The following ZNF618 variants were observed in gnomAD, a reference collection of about 807,000 sequenced individuals.
ZNF618 encodes the protein zinc finger protein 618, also known as neural precursor cell expressed, developmentally down-regulated 10.
ZNF618 carries 34 observed loss-of-function variants against 103.0 expected under a neutral mutation model. The observed-to-expected ratio is 0.33, with a 90% CI of 0.25 to 0.44. The LOEUF (loss-of-function observed/expected upper bound fraction) is 0.44, where lower values mean the gene tolerates loss of function less well. Among genes scored for constraint, ZNF618 ranks in the 20% least tolerant of loss-of-function variants. ZNF618 has a pLI of 1.00. For synonymous variants in ZNF618, 551 were observed against 542.2 expected (o/e 1.02, Z -0.23); for missense variants, 1,059 against 1,295.4 (o/e 0.82, Z 2.80).
Position 113,898,515 on chromosome 9 carries a change from C to A in ZNF618, c.33+22102C>A, listed in dbSNP as rs544936220. ...GATCATATCTCCCTGCAGCCTTGAA[C>A]TCCTGGGCACAAGCAATCCTCCTGC... On this transcript the variant is annotated intron_variant, in intron 1 of 14. Coordinates refer to ENST00000374126, the MANE Select transcript of ZNF618 (RefSeq NM_001318042.2). Among the ~76,000 whole-genome samples the A allele has an allele frequency of 2.0e-5, 3 of 148,108 alleles. No individual in the cohort carries two copies. In the East Asian group the frequency reaches 6.5e-4, roughly 32 times the overall value.
At chr9:113,916,165 A>G (rs1832061499) in intron 1 of ZNF618, among the ~76,000 whole-genome samples, 1 of 151,980 alleles carries the variant, frequency 6.6e-6, no homozygotes, top group Non-Finnish European at 1.5e-5. Context: ...TTTTTTTGCA[A>G]CAGCTCTGTG....
intron 12 of ZNF618, among the ~76,000 whole-genome samples, chr9:114,034,679 G>A (rs991987317): frequency 2.6e-5 from 4 of 152,174 alleles, no homozygotes; most frequent in East Asian, 1.9e-4. Flanking sequence ...ATCTGGCCCC[G>A]CTGTGCTGCC....
intron 3 of ZNF618, among the ~76,000 whole-genome samples, chr9:113,994,318 C>T (rs889712302): frequency 1.3e-5 from 2 of 152,196 alleles, no homozygotes; most frequent in Non-Finnish European, 2.9e-5. Flanking sequence ...GCTGATAGTT[C>T]GTTTCCTGTT....
intron 9 of ZNF618, among the ~76,000 whole-genome samples, chr9:114,012,844 C>G (rs1842367770): frequency 6.6e-6 from 1 of 152,038 alleles, no homozygotes; most frequent in South Asian, 2.1e-4. Context: ...AACAGTGCTC[C>G]TAAGATCTAA....
At chr9:114,018,842 TTAAAATA>T (rs1271991634) in intron 10 of ZNF618, among the ~76,000 whole-genome samples, 1 of 152,200 alleles carries the variant, frequency 6.6e-6, no homozygotes, top group African/African-American at 2.4e-5. Context: ...TCATCTGTGT[TTAAAATA>T]CAGCATGAGA....
intron 3 of ZNF618, 129 bp downstream of exon 3, chr9:113,988,709 C>T: frequency 7.4e-7 from 1 of 1,347,736 alleles, no homozygotes; most frequent in Non-Finnish European, 9.9e-7. Flanking sequence ...CTTCCCTCTG[C>T]ATTCAGGGAG....
At chr9:113,889,317 A>ATCTCTCTT (rs1554718005) in intron 1 of ZNF618, among the ~76,000 whole-genome samples, 9 of 139,256 alleles carry the variant, frequency 6.5e-5, no homozygotes, top group Non-Finnish European at 6.1e-5. Flanking sequence ...CCCCGCTACC[A>ATCTCTCTT]TCTCTCTCTC....
Position 114,049,194 on chromosome 9 carries a change from T to C in ZNF618, c.1892T>C (p.Met631Thr). The C allele has an allele frequency of 1.2e-6, 2 of 1,613,726 alleles. No individual in the cohort carries two copies. Among genetic ancestry groups the C allele is most frequent in the Non-Finnish European group, 1.7e-6 (2 of 1,179,862 alleles). ...VSTSAFSKAG[M>T]CLRCSACALN... ...ACGTCCGCCTTCTCCAAGGCCGGCA[T>C]GTGCCTTCGCTGCTCAGCCTGTGCC... Residue 631 changes from methionine (M) to threonine (T), a missense_variant, in exon 15 of 15, where the codon ATG becomes ACG. Around this residue, in one of 6 missense-constraint regions of ZNF618, gnomAD observed 272 missense variants for 380.1 expected, o/e 0.72. Coordinates refer to ENST00000374126, the MANE Select transcript of ZNF618 (RefSeq NM_001318042.2).
rs927099990 is a variant in ZNF618 at position 113,878,957 on chromosome 9, G to A, written c.33+2544G>A. Among the ~76,000 whole-genome samples the A allele has an allele frequency of 3.3e-5, 5 of 151,512 alleles. No homozygotes were observed. In the South Asian group the frequency reaches 6.3e-4, roughly 19 times the overall value. On this transcript the variant is annotated intron_variant, in intron 1 of 14. Transcript: ENST00000374126. ...TGGGAGATTTTATTTTTTTAGTAAC[G>A]AAATCCTTCAGGGCTGACTGGTCAC...
chr9:113,982,730 C>G (rs1487899715), intron 2 of ZNF618, among the ~76,000 whole-genome samples: 1 of 152,132 alleles, frequency 6.6e-6, no homozygotes, highest in African/African-American at 2.4e-5. Flanking sequence ...GAGCCTTGCT[C>G]AACACTACCA....
chr9:113,953,160 C>T (rs1444588873), intron 1 of ZNF618, among the ~76,000 whole-genome samples: 1 of 152,186 alleles, frequency 6.6e-6, no homozygotes. Context: ...AGTACGTGAA[C>T]GTACTTCGAG....
chr9:113,957,424 G>GT (rs1319963807), intron 1 of ZNF618, among the ~76,000 whole-genome samples: 1 of 152,208 alleles, frequency 6.6e-6, no homozygotes, highest in Non-Finnish European at 1.5e-5. Flanking sequence ...AGATGTCAGA[G>GT]TTGGAATGTT....
At position 113,935,513 on chromosome 9, in the gene ZNF618, G is replaced by A. The variant is rs1193760983; in HGVS notation, c.34-33604G>A. Reference sequence around the variant, plus strand: ...AAACACCATGTGCTGTGCTCAGAGCGTGTCCTTGTTGCGGGTCGTGTCACT... The same window carrying A: ...AAACACCATGTGCTGTGCTCAGAGCATGTCCTTGTTGCGGGTCGTGTCACT... On this transcript the variant is annotated intron_variant, in intron 1 of 14. Transcript: ENST00000374126. Among the ~76,000 whole-genome samples, 5 of 152,164 alleles carry A rather than the reference G, an allele frequency of 3.3e-5. No individual in the cohort carries two copies. The South Asian group carries it at 8.3e-4, about 25-fold the overall frequency.
At chr9:113,910,073 G>A (rs111532167) in intron 1 of ZNF618, among the ~76,000 whole-genome samples, 26 of 152,052 alleles carry the variant, frequency 1.7e-4, no homozygotes, top group African/African-American at 6.3e-4. Flanking sequence ...ATGAGCCAGT[G>A]CGGCCAGCCT....
chr9:114,041,402 C>T (rs1402948375), intron 13 of ZNF618, among the ~76,000 whole-genome samples: 3 of 152,132 alleles, frequency 2.0e-5, no homozygotes, highest in Non-Finnish European at 4.4e-5. Context: ...AAGTCCTTGC[C>T]CATGCCTATG....
chr9:113,944,151 C>G (rs1042276622), intron 1 of ZNF618, among the ~76,000 whole-genome samples: 3 of 152,132 alleles, frequency 2.0e-5, no homozygotes, highest in African/African-American at 4.8e-5. Context: ...TATTGAAGAT[C>G]GGGGAGAGGG....
chr9:113,996,475 G>A (rs895791711), intron 3 of ZNF618, among the ~76,000 whole-genome samples: 2 of 152,144 alleles, frequency 1.3e-5, no homozygotes, highest in Admixed American at 6.5e-5. Context: ...TTTCTCAGAA[G>A]CCTGCATCCT....
intron 11 of ZNF618, among the ~76,000 whole-genome samples, chr9:114,029,270 G>A (rs550249108): frequency 6.6e-6 from 1 of 152,142 alleles, no homozygotes; most frequent in South Asian, 2.1e-4. Context: ...TGAGGGGCCT[G>A]TTTTGACATT....
chr9:113,967,421 C>T (rs1214316300), intron 1 of ZNF618, among the ~76,000 whole-genome samples: 1 of 152,198 alleles, frequency 6.6e-6, no homozygotes, highest in Admixed American at 6.5e-5. Context: ...TTCTTCCTCC[C>T]CGACCTCACA....
Sources: allele counts gnomAD v4.1 joint callset (sites outside exome capture counted in the v4.1 genomes callset), GRCh38; gene constraint gnomAD v4.1.1; regional missense constraint gnomAD v4.1.1; transcripts MANE v1.5; gene names NCBI Gene and HGNC (gene_info 2026-07-23, HGNC 2026-07-21).